The following ARHGEF37 variants were observed in gnomAD, a reference collection of about 807,000 sequenced individuals.
ARHGEF37 encodes Rho guanine nucleotide exchange factor 37.
A neutral mutation model predicts 71.1 loss-of-function variants in ARHGEF37; 55 were observed. The observed-to-expected ratio is 0.77, with a 90% CI of 0.62 to 0.97. ARHGEF37 has a LOEUF of 0.97. Ranked by LOEUF, ARHGEF37 falls within the 50% of genes least tolerant of loss-of-function variation. The pLI is 0.00. For synonymous variants in ARHGEF37, 327 were observed against 350.6 expected, an observed-to-expected ratio of 0.93 and a Z score of 0.75; for missense variants, 765 against 836.8, an observed-to-expected ratio of 0.91 and a Z score of 1.06.
At chr5:149,620,732 G>A (rs969831061) in intron 8 of ARHGEF37, among the ~76,000 whole-genome samples, 3 of 151,632 alleles carry the variant, frequency 2.0e-5, no homozygotes, top group African/African-American at 7.3e-5. Flanking sequence ...TCAGGAGGCT[G>A]AGGCAGGAGA....
At chr5:149,596,374 G>A (rs761147245) in intron 1 of ARHGEF37, among the ~76,000 whole-genome samples, 4 of 152,192 alleles carry the variant, frequency 2.6e-5, no homozygotes, top group South Asian at 2.1e-4. Context: ...GCACAATCTC[G>A]GCTCACTGCA....
rs180969591 is a variant in ARHGEF37 at position 149,628,223 on chromosome 5, C to T, written c.1661-586C>T. Among the ~76,000 whole-genome samples the T allele has an allele frequency of 3.6e-4, 55 of 152,240 alleles. No homozygotes were observed. In the South Asian group the frequency reaches 7.5e-3, roughly 21 times the overall value. ...GGAAGTCATGGAGCCAGTCTGAGCT[C>T]GGCTGGTTGAACGTAAAATGGAGAG... On this transcript the variant is annotated intron_variant, in intron 11 of 12. Coordinates refer to ENST00000333677, the MANE Select transcript of ARHGEF37 (RefSeq NM_001001669.3).
chr5:149,607,755 C>CTTTTTTTTTT, intron 3 of ARHGEF37, among the ~76,000 whole-genome samples: 1 of 83,104 alleles, frequency 1.2e-5, no homozygotes, highest in African/African-American at 5.2e-5. Flanking sequence ...AAAGAAACTT[C>CTTTTTTTTTT]TTTTTTTTTT....
In ARHGEF37 at chr5:149,599,434, C is replaced by CTTACTTATTTATTTATTTATTTATTTAT. The variant is rs144654314; in HGVS notation, c.186+1482_186+1483insCTTATTTATTTATTTATTTATTTATTTA. 2.9e-3 allele frequency among the ~76,000 whole-genome samples: 425 copies of CTTACTTATTTATTTATTTATTTATTTAT among 147,880 alleles called. 5 individuals are homozygous for CTTACTTATTTATTTATTTATTTATTTAT. Among genetic ancestry groups the CTTACTTATTTATTTATTTATTTATTTAT allele is most frequent in the African/African-American group, 0.01 (406 of 39,420 alleles). ...CTCACCCAGGAAAGCCCAAGGCAAA[C>CTTACTTATTTATTTATTTATTTATTTAT]TTATTTATTTATTTATTTATTTACA... On this transcript the variant is annotated intron_variant, in intron 2 of 12. Transcript: ENST00000333677.
At position 149,597,869 on chromosome 5, in the gene ARHGEF37, G is replaced by A; in HGVS notation, c.100G>A (p.Ala34Thr). The A allele has an allele frequency of 6.2e-7, 1 of 1,609,868 alleles. No individual in the cohort carries two copies. The highest frequency in any genetic ancestry group is 1.7e-5 in the Admixed American group (1 of 59,358). Residue 34 changes from alanine to threonine, a missense_variant, in exon 2 of 13, where the codon GCT becomes ACT. By Grantham distance (58) the Ala-to-Thr change is moderately conservative (BLOSUM62 0). This residue lies in a region of ARHGEF37 where 201 missense variants were observed against 217.5 expected (regional missense o/e 0.92). Coordinates refer to ENST00000333677, the MANE Select transcript of ARHGEF37 (RefSeq NM_001001669.3). ...EDRSLLHQRLAVRELIDTEVS... is the reference protein window; with the variant it reads ...EDRSLLHQRLTVRELIDTEVS... ...CAGATCGCTGCTTCATCAGAGGCTG[G>A]CTGTCCGGGAGCTCATCGACACTGA...
At chr5:149,577,363 C>T (rs1763038847), upstream of ARHGEF37, among the ~76,000 whole-genome samples, 1 of 152,156 alleles carries the variant, frequency 6.6e-6, no homozygotes, top group African/African-American at 2.4e-5. Context: ...GACTGAGACT[C>T]TAAAAGAGGT....
intron 11 of ARHGEF37, 145 bp from the exon 12 acceptor site, chr5:149,628,664 G>C: frequency 9.4e-7 from 1 of 1,061,724 alleles, no homozygotes; most frequent in East Asian, 2.6e-5. Context: ...GTGGGGCAGG[G>C]GGGTTCAGGG....
chr5:149,609,475 C>G, intron 3 of ARHGEF37, 73 bp from the exon 4 acceptor site: 1 of 1,549,328 alleles, frequency 6.5e-7, no homozygotes, highest in Non-Finnish European at 8.9e-7. Context: ...GGTTTACTTA[C>G]TGCCTCCCTG....
At chr5:149,563,825 A>G (rs1762865549) in intron 1 of ARHGEF37, among the ~76,000 whole-genome samples, 1 of 152,180 alleles carries the variant, frequency 6.6e-6, no homozygotes, top group South Asian at 2.1e-4. Context: ...GGAAACAGAT[A>G]AAAATTTCTA....
chr5:149,614,415 A>G (rs1201532694), intron 4 of ARHGEF37, among the ~76,000 whole-genome samples: 3 of 152,022 alleles, frequency 2.0e-5, no homozygotes, highest in Non-Finnish European at 4.4e-5. Flanking sequence ...TCTGTTGCCT[A>G]TCTGAAAAGC....
rs1752923928 is a variant in ARHGEF37 at position 149,632,751 on chromosome 5, A to C, written c.*560A>C. ...GGGAGCCCTCTCAAGTGGGGAAGCC[A>C]TGGATTTATCGGTGTAGCAGAGAGG... On this transcript the variant is annotated 3_prime_UTR_variant, in exon 13 of 13. Coordinates refer to ENST00000333677, the MANE Select transcript of ARHGEF37 (RefSeq NM_001001669.3). 6.3e-6 allele frequency: 1 copy of C among 159,224 alleles called. No homozygotes were observed. The highest frequency in any genetic ancestry group is 2.4e-5 in the African/African-American group (1 of 41,634). 9.9% of individuals were successfully genotyped at this position (159,224 alleles called of 1,614,324 possible). A position where few individuals can be genotyped will look rare whatever the true frequency, so the allele number is the denominator to read the frequency against.
chr5:149,634,522 C>T lies in ARHGEF37; in HGVS notation c.*2331C>T. ...GAAAATAAAAATGTATTCAGTAGCACGTGGGTTATGGTTTCTCATAGACCA... is the reference window on the plus strand; with the variant it reads ...GAAAATAAAAATGTATTCAGTAGCATGTGGGTTATGGTTTCTCATAGACCA... On this transcript the variant is annotated 3_prime_UTR_variant, in exon 13 of 13. Transcript: ENST00000333677. 1 of 152,518 alleles carries T rather than the reference C, an allele frequency of 6.6e-6. No homozygotes were observed. Among genetic ancestry groups the T allele is most frequent in the East Asian group, 1.9e-4 (1 of 5,196 alleles). 9.4% of individuals were successfully genotyped at this position (152,518 alleles called of 1,614,324 possible).
At chr5:149,604,676 A>ATTTTTTTTTTTTTTT (rs528100482) in intron 3 of ARHGEF37, among the ~76,000 whole-genome samples, 1 of 91,694 alleles carries the variant, frequency 1.1e-5, no homozygotes, top group Non-Finnish European at 2.1e-5. Flanking sequence ...CAGCAACACC[A>ATTTTTTTTTTTTTTT]TTTTTTTTTT....
At chr5:149,577,453 A>G (rs897400665), upstream of ARHGEF37, among the ~76,000 whole-genome samples, 2 of 152,196 alleles carry the variant, frequency 1.3e-5, no homozygotes, top group African/African-American at 4.8e-5. Flanking sequence ...CTAAGTACAC[A>G]TTTGGCACAA....
chr5:149,620,460 A>T lies in ARHGEF37; in HGVS notation c.1001A>T (p.Lys334Ile). Residue 334 changes from lysine (K) to isoleucine (I), a missense_variant, in exon 8 of 13, where the codon AAA (lysine) becomes ATA (isoleucine). Lys to Ile is a moderately radical substitution (Grantham distance 102). Coordinates refer to ENST00000333677, the MANE Select transcript of ARHGEF37 (RefSeq NM_001001669.3). ...GACCTTCACCTTGAGGCCTTCCTGA[A>T]ATTTGTGAGTGGAACCTTTCCTTTC... ...ARDLHLEAFL[K>I]FKQRLEGLVW... 5 of 1,602,510 alleles carry T rather than the reference A, an allele frequency of 3.1e-6. No individual in the cohort carries two copies. Among genetic ancestry groups the T allele is most frequent in the Non-Finnish European group, 4.3e-6 (5 of 1,172,404 alleles).
In ARHGEF37 at chr5:149,634,709, C is replaced by T. The variant is rs1036851017; in HGVS notation, c.*2518C>T. 4.6e-5 allele frequency: 7 copies of T among 152,586 alleles called. No homozygotes were observed. The highest frequency in any genetic ancestry group is 1.4e-4 in the African/African-American group (6 of 41,442). 9.5% of individuals were successfully genotyped at this position (152,586 alleles called of 1,614,324 possible). A position where few individuals can be genotyped will look rare whatever the true frequency, so the allele number is the denominator to read the frequency against. On this transcript the variant is annotated 3_prime_UTR_variant, in exon 13 of 13. Transcript: ENST00000333677. ...TATTTATTTAACCGTTGGGCTGTCT[C>T]ATACTAAACTTGCAAAGATATTTGC...
In ARHGEF37 at chr5:149,589,559, G is replaced by A. The variant is rs567581553; in HGVS notation, c.-12+7935G>A. On this transcript the variant is annotated intron_variant, in intron 1 of 12. Coordinates refer to ENST00000333677, the MANE Select transcript of ARHGEF37 (RefSeq NM_001001669.3). ...TTGTTGCCCAAGCTGGAATGCAGTGGCGAGATCTCAGCTCGCTGCAACCTC... is the reference window on the plus strand; with the variant it reads ...TTGTTGCCCAAGCTGGAATGCAGTGACGAGATCTCAGCTCGCTGCAACCTC... Among the ~76,000 whole-genome samples, 39 of 152,172 alleles carry A rather than the reference G, an allele frequency of 2.6e-4. 2 individuals are homozygous for A. In the South Asian group the frequency reaches 7.5e-3, roughly 29 times the overall value.
intron 3 of ARHGEF37, among the ~76,000 whole-genome samples, chr5:149,603,844 G>A (rs773847222): frequency 1.4e-4 from 22 of 152,222 alleles, no homozygotes; most frequent in Non-Finnish European, 1.9e-4. Context: ...TCTGAGGCAC[G>A]AGAATCGCTT....
At chr5:149,598,806 A>G (rs1212285114) in intron 2 of ARHGEF37, among the ~76,000 whole-genome samples, 1 of 147,782 alleles carries the variant, frequency 6.8e-6, no homozygotes, top group East Asian at 2.1e-4. Context: ...ATAGATATAT[A>G]TATGTGTGTG....
Sources: allele counts gnomAD v4.1 joint callset (sites outside exome capture counted in the v4.1 genomes callset), GRCh38; gene constraint gnomAD v4.1.1; regional missense constraint gnomAD v4.1.1; transcripts MANE v1.5; gene names NCBI Gene and HGNC (gene_info 2026-07-23, HGNC 2026-07-21).